XKR6: variants seen among roughly 807,000 people sequenced by gnomAD.
XKR6 encodes XK-related protein 6.
A neutral mutation model predicts 56.7 loss-of-function variants in XKR6; 22 were observed. That is an observed-to-expected ratio of 0.39 (90% CI 0.28 to 0.55). The LOEUF (loss-of-function observed/expected upper bound fraction) is 0.55. Ranked by LOEUF, XKR6 falls within the 20% of genes least tolerant of loss-of-function variation. XKR6 has a pLI of 0.66. For synonymous variants in XKR6, 524 were observed against 387.8 expected (o/e 1.35, Z -4.13); for missense variants, 852 against 889.0 (o/e 0.96, Z 0.53).
chr8:10,930,322 C>A (rs910978535), intron 1 of XKR6, among the ~76,000 whole-genome samples: 2 of 152,192 alleles, frequency 1.3e-5, no homozygotes, highest in Non-Finnish European at 2.9e-5. Context: ...TTTGTGGGGT[C>A]TGAGGCTTAG....
intron 1 of XKR6, among the ~76,000 whole-genome samples, chr8:11,165,557 A>G (rs904121209): frequency 3.3e-5 from 5 of 152,172 alleles, no homozygotes; most frequent in African/African-American, 9.7e-5. Flanking sequence ...CGGCATCCTT[A>G]TTTGATTAGC....
At chr8:11,053,628 T>C (rs1586482437) in intron 1 of XKR6, among the ~76,000 whole-genome samples, 1 of 152,264 alleles carries the variant, frequency 6.6e-6, no homozygotes, top group African/African-American at 2.4e-5. Flanking sequence ...CTGGCAGTAC[T>C]AGAATTTATC....
intron 1 of XKR6, among the ~76,000 whole-genome samples, chr8:10,943,455 T>C (rs915049240): frequency 2.0e-5 from 3 of 152,170 alleles, no homozygotes; most frequent in Non-Finnish European, 4.4e-5. Context: ...GCCACATCCA[T>C]GGCTCTCCAT....
chr8:11,177,573 GGAAT>G (rs1342648549), intron 1 of XKR6, among the ~76,000 whole-genome samples: 1 of 74,948 alleles, frequency 1.3e-5, no homozygotes, highest in Non-Finnish European at 3.7e-5. Context: ...AGGTCATAAT[GGAAT>G]AGGCAAGGCC....
At chr8:11,198,572 A>G (rs1804020280) in intron 1 of XKR6, among the ~76,000 whole-genome samples, 2 of 152,156 alleles carry the variant, frequency 1.3e-5, no homozygotes, top group African/African-American at 4.8e-5. Context: ...GACATTTTAA[A>G]TGTACTTTTC....
intron 1 of XKR6, among the ~76,000 whole-genome samples, chr8:10,932,589 C>T (rs1338200835): frequency 1.7e-5 from 2 of 118,200 alleles, no homozygotes; most frequent in African/African-American, 6.4e-5. Context: ...CCCCACCCCA[C>T]CACAGTCCCC....
intron 2 of XKR6, among the ~76,000 whole-genome samples, chr8:10,913,460 G>A (rs1800467539): frequency 6.6e-6 from 1 of 152,154 alleles, no homozygotes; most frequent in Admixed American, 6.5e-5. Context: ...CCTGCCAGGT[G>A]AAAGCACTTC....
In XKR6 at chr8:10,920,767, C is replaced by T. The variant is rs147806376; in HGVS notation, c.961+3867G>A. 3.9e-5 allele frequency among the ~76,000 whole-genome samples: 6 copies of T among 152,370 alleles called. No individual in the cohort carries two copies. In the East Asian group the frequency reaches 1.2e-3, roughly 29 times the overall value. On this transcript the variant is annotated intron_variant, in intron 2 of 2. Transcript: ENST00000416569. ...GCTAGTGTCCTTCCTTCCCGTAAAC[C>T]CAGCTGATGCTATAGCCTCATTCTT...
intron 1 of XKR6, among the ~76,000 whole-genome samples, chr8:11,178,954 CGCCTCAGCCTCCCAA>C (rs1802823469): frequency 6.6e-6 from 1 of 151,410 alleles, no homozygotes; most frequent in Non-Finnish European, 1.5e-5. Context: ...ATAATCTTCC[CGCCTCAGCCTCCCAA>C]GTAGCTAGAA....
At chr8:11,168,383 G>C (rs1375763332) in intron 1 of XKR6, among the ~76,000 whole-genome samples, 1 of 152,070 alleles carries the variant, frequency 6.6e-6, no homozygotes, top group Non-Finnish European at 1.5e-5. Context: ...ACCAAACATA[G>C]AGTCCCAAAA....
intron 1 of XKR6, among the ~76,000 whole-genome samples, chr8:10,989,144 C>G (rs1265333031): frequency 6.6e-6 from 1 of 152,200 alleles, no homozygotes; most frequent in African/African-American, 2.4e-5. Flanking sequence ...GGAGGTTATA[C>G]AAGGAGCTGG....
At position 11,055,671 on chromosome 8, in the gene XKR6, G is replaced by A. The variant is rs572784631; in HGVS notation, c.765-130841C>T. On this transcript the variant is annotated intron_variant, in intron 1 of 2. Coordinates refer to ENST00000416569, the MANE Select transcript of XKR6 (RefSeq NM_173683.4). Reference sequence around the variant, plus strand: ...TGGAGCTGGAGGTGACTGCATGGACGGGGGCCTCCTGGATTCACCTAGGAC... The same window carrying A: ...TGGAGCTGGAGGTGACTGCATGGACAGGGGCCTCCTGGATTCACCTAGGAC... Among the ~76,000 whole-genome samples the A allele has an allele frequency of 5.3e-5, 8 of 152,324 alleles. No individual in the cohort carries two copies. The South Asian group carries it at 1.2e-3, about 24-fold the overall frequency.
chr8:11,017,051 G>C (rs1372597868), intron 1 of XKR6, among the ~76,000 whole-genome samples: 2 of 152,230 alleles, frequency 1.3e-5, no homozygotes, highest in African/African-American at 4.8e-5. Context: ...GATACATATG[G>C]ATAGATCATA....
At chr8:10,995,939 C>CGTG (rs1415664216) in intron 1 of XKR6, among the ~76,000 whole-genome samples, 1 of 152,146 alleles carries the variant, frequency 6.6e-6, no homozygotes, top group Non-Finnish European at 1.5e-5. Context: ...TATACTGGCC[C>CGTG]ATGACCTTGG....
chr8:11,035,081 C>T (rs983277623), intron 1 of XKR6: 1 of 423,774 alleles, frequency 2.4e-6, no homozygotes, highest in African/African-American at 2.0e-5. Flanking sequence ...GCTTCGGTTT[C>T]CTCATCTGTA....
chr8:11,128,501 C>T (rs1183012261), intron 1 of XKR6, among the ~76,000 whole-genome samples: 2 of 152,104 alleles, frequency 1.3e-5, no homozygotes, highest in East Asian at 1.9e-4. Context: ...CCTGATCTTC[C>T]GAATGACCAG....
chr8:11,131,473 A>G (rs528539665), intron 1 of XKR6, among the ~76,000 whole-genome samples: 1 of 152,278 alleles, frequency 6.6e-6, no homozygotes, highest in East Asian at 1.9e-4. Context: ...ACATACTTAA[A>G]CTTCATGATG....
chr8:11,068,434 G>A (rs573477664), intron 1 of XKR6, among the ~76,000 whole-genome samples: 1 of 152,274 alleles, frequency 6.6e-6, no homozygotes, highest in East Asian at 1.9e-4. Flanking sequence ...AGATGTTTGG[G>A]ACCCTGACAA....
chr8:11,120,733 A>G (rs1396882299), intron 1 of XKR6, among the ~76,000 whole-genome samples: 5 of 152,214 alleles, frequency 3.3e-5, no homozygotes, highest in Non-Finnish European at 7.3e-5. Flanking sequence ...CGCCAAGTCA[A>G]TCCTAAGCAA....
Sources: gnomAD v4.1 joint callset for allele counts (sites outside exome capture counted in the v4.1 genomes callset) on GRCh38, gnomAD v4.1.1 for gene constraint, MANE v1.5 for transcripts, NCBI Gene and HGNC (gene_info 2026-07-23, HGNC 2026-07-21) for gene names.